The following SLIT3 variants were observed in gnomAD, a reference collection of about 807,000 sequenced individuals.
SLIT3 encodes slit homolog 3 protein.
A neutral mutation model predicts 184.0 loss-of-function variants in SLIT3; 68 were observed. That is an observed-to-expected ratio of 0.37 (90% CI 0.30 to 0.45). The LOEUF (loss-of-function observed/expected upper bound fraction) is 0.45. SLIT3 is among the 20% of genes least tolerant of loss of function. The pLI is 1.00. For synonymous variants in SLIT3, 831 were observed against 828.6 expected (o/e 1.00, Z -0.05); for missense variants, 1,707 against 2,026.0 (o/e 0.84, Z 3.02).
intron 4 of SLIT3, among the ~76,000 whole-genome samples, chr5:169,068,589 A>G (rs2113117709): frequency 6.6e-6 from 1 of 152,316 alleles, no homozygotes; most frequent in South Asian, 2.1e-4. Flanking sequence ...CATTTTATAG[A>G]AATATAATCC....
At chr5:168,830,766 C>G (rs1047661266) in intron 6 of SLIT3, among the ~76,000 whole-genome samples, 2 of 152,184 alleles carry the variant, frequency 1.3e-5, no homozygotes, top group African/African-American at 4.8e-5. Context: ...ATATTCAAAG[C>G]CCAGAGGTGT....
chr5:169,221,303 G>A (rs565880170), intron 3 of SLIT3, among the ~76,000 whole-genome samples: 48 of 152,254 alleles, frequency 3.2e-4, no homozygotes, highest in Middle Eastern at 3.4e-3. Context: ...CAGAAAATTC[G>A]TGCTTTCTCT....
At chr5:168,966,244 G>T (rs1347984621) in intron 4 of SLIT3, among the ~76,000 whole-genome samples, 2 of 152,132 alleles carry the variant, frequency 1.3e-5, no homozygotes, top group African/African-American at 4.8e-5. Flanking sequence ...TCTGTGCCAT[G>T]TATGTAGATT....
At chr5:169,167,267 A>AC (rs1350863967) in intron 4 of SLIT3, among the ~76,000 whole-genome samples, 3 of 133,632 alleles carry the variant, frequency 2.2e-5, no homozygotes, top group African/African-American at 8.5e-5. Flanking sequence ...TGTTCTAAGC[A>AC]CTTTTTTTTT....
At chr5:169,262,139 G>A (rs1766213126) in intron 1 of SLIT3, among the ~76,000 whole-genome samples, 2 of 152,174 alleles carry the variant, frequency 1.3e-5, no homozygotes, top group Admixed American at 1.3e-4. Context: ...AGAGGGCCGA[G>A]ACAAATGGAA....
At position 168,712,352 on chromosome 5, in the gene SLIT3, G is replaced by A; in HGVS notation, c.2486C>T (p.Thr829Ile). The change falls in exon 24 of 36, where the codon ACC (threonine) becomes ATC (isoleucine). Residue 829 changes from threonine (T) to isoleucine (I), a missense_variant and splice_region_variant. By Grantham distance (89) the Thr-to-Ile change is moderately conservative. This residue lies in a region of SLIT3 where 1,307 missense variants were observed against 1,511.6 expected (regional missense o/e 0.86). Transcript: ENST00000519560. Reference sequence around the variant, plus strand: ...GCTGGAAATGTCATTGCCATGGAGGGTTCTGAAGCAGAGGGCACAGGTCGG... The same window carrying A: ...GCTGGAAATGTCATTGCCATGGAGGATTCTGAAGCAGAGGGCACAGGTCGG... ...FNGLRSLRVL[T>I]LHGNDISSVP... is the part of the protein sequence containing the mutation. 2 of 1,614,112 alleles carry A rather than the reference G, an allele frequency of 1.2e-6. No homozygotes were observed. The highest frequency in any genetic ancestry group is 8.5e-7 in the Non-Finnish European group (1 of 1,179,958).
chr5:169,279,145 C>T (rs1766913481), intron 1 of SLIT3, among the ~76,000 whole-genome samples: 1 of 152,066 alleles, frequency 6.6e-6, no homozygotes. Context: ...TATCAAAGTC[C>T]CGTGAAATAA....
chr5:169,236,671 C>T (rs1765212156), intron 3 of SLIT3, among the ~76,000 whole-genome samples: 1 of 152,018 alleles, frequency 6.6e-6, no homozygotes, highest in African/African-American at 2.4e-5. Flanking sequence ...GGGTTTTCGC[C>T]ATGTTAGCCA....
intron 5 of SLIT3, among the ~76,000 whole-genome samples, chr5:168,874,678 C>G (rs890421028): frequency 2.0e-5 from 3 of 152,214 alleles, no homozygotes; most frequent in African/African-American, 7.2e-5. Context: ...CAATCCCAGG[C>G]AGAAATTCTG....
At chr5:169,235,042 C>T (rs1245860727) in intron 3 of SLIT3, among the ~76,000 whole-genome samples, 3 of 152,146 alleles carry the variant, frequency 2.0e-5, no homozygotes, top group African/African-American at 7.2e-5. Flanking sequence ...ATTCAGTGCA[C>T]TTCCTCGAGG....
intron 4 of SLIT3, among the ~76,000 whole-genome samples, chr5:168,980,452 C>T (rs1006214911): frequency 6.6e-6 from 1 of 152,162 alleles, no homozygotes; most frequent in African/African-American, 2.4e-5. Context: ...TTTTGCTATA[C>T]AAGGAAATTG....
chr5:169,170,981 C>T (rs1203994181), intron 4 of SLIT3, among the ~76,000 whole-genome samples: 1 of 152,140 alleles, frequency 6.6e-6, no homozygotes, highest in African/African-American at 2.4e-5. Context: ...GAAGAAAAGG[C>T]AGAAACAGAG....
chr5:169,248,989 A>AT (rs1291157967), intron 2 of SLIT3, among the ~76,000 whole-genome samples: 3 of 152,138 alleles, frequency 2.0e-5, no homozygotes, highest in African/African-American at 7.2e-5. Flanking sequence ...TGGGTGGCCA[A>AT]TTTTTCAAGA....
intron 8 of SLIT3, among the ~76,000 whole-genome samples, chr5:168,809,654 T>C (rs932373902): frequency 2.0e-5 from 3 of 152,192 alleles, no homozygotes; most frequent in African/African-American, 7.2e-5. Context: ...ATGGCAGTGG[T>C]GTTTTTGGTC....
intron 4 of SLIT3, among the ~76,000 whole-genome samples, chr5:168,962,622 T>C (rs1763056988): frequency 6.6e-6 from 1 of 151,910 alleles, no homozygotes; most frequent in African/African-American, 2.4e-5. Context: ...GAAAGGTCAT[T>C]ATCCATACCC....
At chr5:169,056,865 A>G (rs1312347644) in intron 4 of SLIT3, among the ~76,000 whole-genome samples, 2 of 152,210 alleles carry the variant, frequency 1.3e-5, no homozygotes, top group Admixed American at 1.3e-4. Flanking sequence ...TACAGAGTCC[A>G]AACGCTCACA....
chr5:168,912,696 C>G (rs765464246), intron 4 of SLIT3, among the ~76,000 whole-genome samples: 6 of 152,190 alleles, frequency 3.9e-5, no homozygotes, highest in African/African-American at 4.8e-5. Context: ...TTTACTATGT[C>G]TCTATGATGT....
intron 4 of SLIT3, among the ~76,000 whole-genome samples, chr5:168,886,716 G>A (rs1760230730): frequency 6.6e-6 from 1 of 152,158 alleles, no homozygotes; most frequent in South Asian, 2.1e-4. Flanking sequence ...GTAAGTAAAG[G>A]AAGATGGCTG....
rs78878499 is a variant in SLIT3, at chr5:168,737,090, C to T, written c.2270+11212G>A. Among the ~76,000 whole-genome samples the T allele has an allele frequency of 0.011, 1,650 of 152,232 alleles. 79 individuals carry two copies. The East Asian group carries it at 0.15, about 14-fold the overall frequency. On this transcript the variant is annotated intron_variant, in intron 20 of 35. Transcript: ENST00000519560. ...AGCATAGGCAGGACATTCTTGCTTG[C>T]TTTCTTAAAGGCCAGGTGGGCAGAA... is the stretch of plus-strand genomic sequence containing the variant.
Sources: allele counts gnomAD v4.1 joint callset (sites outside exome capture counted in the v4.1 genomes callset), GRCh38; gene constraint gnomAD v4.1.1; regional missense constraint gnomAD v4.1.1; transcripts MANE v1.5; gene names NCBI Gene and HGNC (gene_info 2026-07-23, HGNC 2026-07-21).